GRIA2: variants seen among roughly 807,000 people sequenced by gnomAD.
GRIA2 encodes the protein glutamate receptor 2.
In GRIA2, 14 loss-of-function variants were observed where a neutral mutation model predicts 97.3. That is an observed-to-expected ratio of 0.14 (90% CI 0.10 to 0.23). GRIA2 has a LOEUF of 0.23. GRIA2 is among the 10% of genes least tolerant of loss of function. The pLI is 1.00. For missense variants in GRIA2, 558 were observed against 1,069.8 expected, an observed-to-expected ratio of 0.52 and a Z score of 6.67; for synonymous variants, 412 against 387.8, an observed-to-expected ratio of 1.06 and a Z score of -0.73.
intron 11 of GRIA2, among the ~76,000 whole-genome samples, chr4:157,338,049 T>TAC (rs1424839302): frequency 0.14 from 1,324 of 9,548 alleles, 53 homozygotes; most frequent in African/African-American, 0.18. Flanking sequence ...TATATATATA[T>TAC]ACACACACAT....
At chr4:157,226,570 A>G (rs1042232099) in intron 2 of GRIA2, among the ~76,000 whole-genome samples, 1 of 152,118 alleles carries the variant, frequency 6.6e-6, no homozygotes, top group East Asian at 1.9e-4. Flanking sequence ...ATTAAATTTT[A>G]GTCACAAATT....
At chr4:157,255,060 T>TCTCATC (rs1731180393) in intron 2 of GRIA2, among the ~76,000 whole-genome samples, 1 of 152,000 alleles carries the variant, frequency 6.6e-6, no homozygotes, top group Non-Finnish European at 1.5e-5. Flanking sequence ...ATAGGTAATT[T>TCTCATC]CTCATCCCTA....
chr4:157,232,044 T>C (rs1053569332), intron 2 of GRIA2, among the ~76,000 whole-genome samples: 5 of 152,126 alleles, frequency 3.3e-5, no homozygotes, highest in African/African-American at 1.2e-4. Flanking sequence ...ACACAGTGAG[T>C]AGTTTTATTC....
intron 2 of GRIA2, among the ~76,000 whole-genome samples, chr4:157,244,829 C>T (rs922946825): frequency 1.3e-5 from 2 of 151,898 alleles, no homozygotes; most frequent in Admixed American, 6.6e-5. Flanking sequence ...TCTTTGGCTC[C>T]TCAGGCTGAA....
At chr4:157,293,891 A>T (rs927901286) in intron 2 of GRIA2, among the ~76,000 whole-genome samples, 1 of 152,174 alleles carries the variant, frequency 6.6e-6, no homozygotes, top group African/African-American at 2.4e-5. Flanking sequence ...CCATTATGCT[A>T]AAGATAATCC....
intron 2 of GRIA2, among the ~76,000 whole-genome samples, chr4:157,261,051 A>G (rs1283069996): frequency 6.6e-6 from 1 of 152,064 alleles, no homozygotes; most frequent in Non-Finnish European, 1.5e-5. Flanking sequence ...GTCCATTCTC[A>G]TGCTGCTCTA....
At chr4:157,334,821 T>C (rs1735210100) in intron 9 of GRIA2, 1 of 152,190 alleles carries the variant, frequency 6.6e-6, no homozygotes. Context: ...TAAATTGGTG[T>C]GATTTATTCT....
chr4:157,331,714 T>C (rs1735056221), intron 6 of GRIA2, among the ~76,000 whole-genome samples: 2 of 151,936 alleles, frequency 1.3e-5, no homozygotes, highest in Non-Finnish European at 2.9e-5. Context: ...ATGGCTTATC[T>C]TTTTTCCATG....
At chr4:157,356,153 T>TTATTTATATA (rs1295258057) in intron 12 of GRIA2, among the ~76,000 whole-genome samples, 15 of 132,558 alleles carry the variant, frequency 1.1e-4, no homozygotes, top group African/African-American at 4.2e-4. Flanking sequence ...TTATATTTAT[T>TTATTTATATA]TATTTATATA....
intron 2 of GRIA2, among the ~76,000 whole-genome samples, chr4:157,272,278 T>G (rs993241110): frequency 6.6e-6 from 1 of 151,970 alleles, no homozygotes; most frequent in Non-Finnish European, 1.5e-5. Context: ...GCCACTCCAT[T>G]AAACTAAGTA....
chr4:157,298,611 CTTTTT>C (rs67497887), intron 2 of GRIA2, among the ~76,000 whole-genome samples: 3 of 34,320 alleles, frequency 8.7e-5, no homozygotes, highest in Non-Finnish European at 1.5e-4. Context: ...TGAAGCTAAG[CTTTTT>C]TTTTTTTTTT....
intron 11 of GRIA2, among the ~76,000 whole-genome samples, chr4:157,338,477 G>A (rs1735404162): frequency 6.6e-6 from 1 of 151,764 alleles, no homozygotes; most frequent in Non-Finnish European, 1.5e-5. Context: ...TTGCACACAG[G>A]GACTGGAGCA....
intron 12 of GRIA2, among the ~76,000 whole-genome samples, chr4:157,357,170 A>G (rs1470368780): frequency 1.3e-5 from 2 of 152,154 alleles, no homozygotes; most frequent in African/African-American, 4.8e-5. Context: ...GTAAATGCAT[A>G]TATTCTGAAT....
At chr4:157,283,978 G>A (rs561006466) in intron 2 of GRIA2, among the ~76,000 whole-genome samples, 2 of 151,986 alleles carry the variant, frequency 1.3e-5, no homozygotes, top group Admixed American at 1.3e-4. Flanking sequence ...TAATGTTAGA[G>A]AGGTTTTTAA....
At chr4:157,281,577 C>A (rs1282350185) in intron 2 of GRIA2, among the ~76,000 whole-genome samples, 1 of 152,028 alleles carries the variant, frequency 6.6e-6, no homozygotes, top group Non-Finnish European at 1.5e-5. Context: ...CTAAGAAGTT[C>A]TCTGTGACAA....
At chr4:157,325,359 G>GATTC (rs1190736666) in intron 6 of GRIA2, among the ~76,000 whole-genome samples, 1 of 152,094 alleles carries the variant, frequency 6.6e-6, no homozygotes, top group Non-Finnish European at 1.5e-5. Flanking sequence ...TTTTAGGTCT[G>GATTC]ATTCCCTTTT....
intron 9 of GRIA2, chr4:157,335,461 C>T (rs1288888806): frequency 1.6e-5 from 9 of 553,526 alleles, no homozygotes; most frequent in Admixed American, 1.5e-4. Context: ...GCATACAAGC[C>T]GTCTTAATGA....
intron 6 of GRIA2, 83 bp downstream of exon 6, chr4:157,321,682 A>G (rs1734576808): frequency 1.1e-6 from 1 of 892,106 alleles, no homozygotes; most frequent in South Asian, 1.6e-5. Flanking sequence ...GAAGGAGAAA[A>G]TAATAAAGGG....
At chr4:157,241,716 A>G (rs1276740024) in intron 2 of GRIA2, among the ~76,000 whole-genome samples, 1 of 152,100 alleles carries the variant, frequency 6.6e-6, no homozygotes, top group Non-Finnish European at 1.5e-5. Flanking sequence ...TTCTATCTAA[A>G]TAATGCTTAC....
Sources: allele counts gnomAD v4.1 joint callset (sites outside exome capture counted in the v4.1 genomes callset), GRCh38; gene constraint gnomAD v4.1.1; transcripts MANE v1.5; gene names NCBI Gene and HGNC (gene_info 2026-07-23, HGNC 2026-07-21).